Variants in IL1RL1 observed in about 807,000 individuals in gnomAD.
IL1RL1 encodes the protein interleukin 1 receptor like 1.
A neutral mutation model predicts 50.9 loss-of-function variants in IL1RL1; 32 were observed. The observed-to-expected ratio is 0.63, with a 90% confidence interval of 0.47 to 0.84. The LOEUF (loss-of-function observed/expected upper bound fraction) is 0.84, where lower values mean the gene tolerates loss of function less well. Ranked by LOEUF, IL1RL1 falls within the 40% of genes least tolerant of loss-of-function variation. IL1RL1 has a pLI of 0.00. For missense variants in IL1RL1, 773 were observed against 662.9 expected (o/e 1.17, Z -1.82); for synonymous variants, 275 against 236.0 (o/e 1.17, Z -1.51).
intron 10 of IL1RL1, among the ~76,000 whole-genome samples, chr2:102,349,633 A>T (rs1238182050): frequency 6.6e-6 from 1 of 152,244 alleles, no homozygotes; most frequent in Non-Finnish European, 1.5e-5. Context: ...CATAGGCACT[A>T]GCTGAAATAC....
chr2:102,339,588 G>A (rs917246155), intron 3 of IL1RL1: 8 of 154,904 alleles, frequency 5.2e-5, no homozygotes, highest in African/African-American at 1.9e-4. Context: ...TTAGTTAAGG[G>A]CCTAGGTCTG....
At chr2:102,339,993 T>G (rs868086736) in intron 3 of IL1RL1, 105 bp from the exon 4 acceptor site, 3 of 541,828 alleles carry the variant, frequency 5.5e-6, no homozygotes, top group African/African-American at 3.9e-5. Flanking sequence ...TTATGTATAT[T>G]GATGGTTTTT....
At chr2:102,321,703 C>T (rs757555969) in intron 1 of IL1RL1, among the ~76,000 whole-genome samples, 4 of 152,216 alleles carry the variant, frequency 2.6e-5, no homozygotes, top group East Asian at 3.9e-4. Context: ...CCAAAATCAC[C>T]AAGGAATCAT....
chr2:102,321,089 A>G (rs1295388901), intron 1 of IL1RL1, among the ~76,000 whole-genome samples: 6 of 152,148 alleles, frequency 3.9e-5, no homozygotes, highest in African/African-American at 4.8e-5. Flanking sequence ...GCTTGCCTCC[A>G]TGGCTGGACT....
chr2:102,326,029 C>T (rs1311050480), intron 1 of IL1RL1, among the ~76,000 whole-genome samples: 1 of 152,122 alleles, frequency 6.6e-6, no homozygotes, highest in African/African-American at 2.4e-5. Flanking sequence ...TTGAGAAGAG[C>T]AACTCCAAGA....
rs554415367 is a variant in IL1RL1 at position 102,325,216 on chromosome 2, T to C, written c.-149-12900T>C. ...CACCAATATCCGCTGTTCTGCAGCC[T>C]CTGCTGCTGATACCCAGGCAAACAG... On this transcript the variant is annotated intron_variant, in intron 1 of 10. Coordinates refer to ENST00000233954, the MANE Select transcript of IL1RL1 (RefSeq NM_016232.5). Among the ~76,000 whole-genome samples the C allele has an allele frequency of 2.8e-4, 42 of 152,302 alleles. No individual in the cohort carries two copies. In the South Asian group the frequency reaches 8.1e-3, roughly 29 times the overall value.
chr2:102,335,162 T>G (rs1559600774), intron 1 of IL1RL1, among the ~76,000 whole-genome samples: 1 of 152,218 alleles, frequency 6.6e-6, no homozygotes, highest in Non-Finnish European at 1.5e-5. Context: ...TATTCATGTA[T>G]TAGAAGCCCT....
chr2:102,327,459 G>A (rs1217047651), intron 1 of IL1RL1, among the ~76,000 whole-genome samples: 4 of 151,870 alleles, frequency 2.6e-5, no homozygotes, highest in Non-Finnish European at 5.9e-5. Flanking sequence ...AGAAGCAAGA[G>A]CAAACACATT....
At chr2:102,325,562 G>A (rs1410756005) in intron 1 of IL1RL1, among the ~76,000 whole-genome samples, 1 of 152,118 alleles carries the variant, frequency 6.6e-6, no homozygotes, top group Non-Finnish European at 1.5e-5. Flanking sequence ...CCGAGCTAAA[G>A]GAGGAAGTTC....
At chr2:102,322,636 C>A (rs6742005) in intron 1 of IL1RL1, among the ~76,000 whole-genome samples, 2,082 of 152,290 alleles carry the variant, frequency 0.014, 52 homozygotes, top group African/African-American at 0.048. Flanking sequence ...CTACTCTTTT[C>A]TTTTACTTTA....
chr2:102,326,184 TG>T (rs1317432859), intron 1 of IL1RL1, among the ~76,000 whole-genome samples: 1 of 151,976 alleles, frequency 6.6e-6, no homozygotes, highest in Non-Finnish European at 1.5e-5. Flanking sequence ...CAGAAGAGAG[TG>T]GGGGCCAATA....
rs1400353985 is a variant in IL1RL1 at position 102,338,130 on chromosome 2, A to G, written c.-135A>G. Reference sequence around the variant, plus strand: ...TTATTTTTCAGTTGAGATATAGGCTACTCTTCCCAACTCAGTCTTGAAGAG... The same window carrying G: ...TTATTTTTCAGTTGAGATATAGGCTGCTCTTCCCAACTCAGTCTTGAAGAG... On this transcript the variant is annotated 5_prime_UTR_variant, in exon 2 of 11. Coordinates refer to ENST00000233954, the MANE Select transcript of IL1RL1 (RefSeq NM_016232.5). 1.9e-6 allele frequency: 1 copy of G among 527,134 alleles called. No homozygotes were observed. Among genetic ancestry groups the G allele is most frequent in the African/African-American group, 2.0e-5 (1 of 50,870 alleles). 32.7% of individuals were successfully genotyped at this position (527,134 alleles called of 1,614,324 possible).
intron 1 of IL1RL1, among the ~76,000 whole-genome samples, chr2:102,324,987 A>T (rs1436896684): frequency 1.3e-5 from 2 of 152,212 alleles, no homozygotes; most frequent in Non-Finnish European, 2.9e-5. Context: ...CCTGTCTGAC[A>T]GCTTTGAAGA....
intron 1 of IL1RL1, among the ~76,000 whole-genome samples, chr2:102,317,867 G>A (rs1331165320): frequency 6.6e-6 from 1 of 152,110 alleles, no homozygotes; most frequent in Non-Finnish European, 1.5e-5. Context: ...ACCTCATTGA[G>A]AAAGTGAGGG....
At chr2:102,315,219 G>T (rs916223088) in intron 1 of IL1RL1, among the ~76,000 whole-genome samples, 1 of 152,072 alleles carries the variant, frequency 6.6e-6, no homozygotes. Context: ...TGTATGCCGT[G>T]GGGAAAAGGA....
At chr2:102,316,265 G>C (rs2104959203) in intron 1 of IL1RL1, among the ~76,000 whole-genome samples, 1 of 152,330 alleles carries the variant, frequency 6.6e-6, no homozygotes, top group Admixed American at 6.5e-5. Context: ...AGACTTGTCT[G>C]TCCCTGAGCT....
chr2:102,349,464 G>A (rs796468905), intron 10 of IL1RL1, among the ~76,000 whole-genome samples: 15 of 152,256 alleles, frequency 9.9e-5, no homozygotes, highest in African/African-American at 3.6e-4. Flanking sequence ...TGTTGGTGGT[G>A]TGAATTCAGA....
Position 102,347,954 on chromosome 2 carries a change from A to T in IL1RL1, c.980A>T (p.His327Leu). Reference sequence around the variant, plus strand: ...TCTTTCTTTTGAATAGTTGATCATCATAGCATCTACTGCATAATTGCAGTA... The same window carrying T: ...TCTTTCTTTTGAATAGTTGATCATCTTAGCATCTACTGCATAATTGCAGTA... ...RLSRKNPIDHHSIYCIIAVCS... is the reference protein window; with the variant it reads ...RLSRKNPIDHLSIYCIIAVCS... Residue 327 changes from histidine (H) to leucine (L), a missense_variant, in exon 9 of 11, where the codon CAT becomes CTT. Physicochemically the swap from His to Leu is moderately conservative, Grantham distance 99. Coordinates refer to ENST00000233954, the MANE Select transcript of IL1RL1 (RefSeq NM_016232.5). 2 of 1,507,628 alleles carry T rather than the reference A, an allele frequency of 1.3e-6. No homozygotes were observed. Among genetic ancestry groups the T allele is most frequent in the Non-Finnish European group, 1.8e-6 (2 of 1,083,816 alleles). 93.4% of individuals were successfully genotyped at this position (1,507,628 alleles called of 1,614,324 possible).
In IL1RL1 at chr2:102,343,174, A is replaced by C; in HGVS notation, c.821A>C (p.Gln274Pro). The C allele has an allele frequency of 6.2e-7, 1 of 1,614,126 alleles. No homozygotes were observed. Among genetic ancestry groups the C allele is most frequent in the African/African-American group, 1.3e-5 (1 of 75,036 alleles). The change falls in exon 7 of 11, where the codon CAA (glutamine) becomes CCA (proline). Residue 274 changes from glutamine (Q) to proline (P), a missense_variant. Coordinates refer to ENST00000233954, the MANE Select transcript of IL1RL1 (RefSeq NM_016232.5). ...PRIQQEEGQN[Q>P]SFSNGLACLD... ...ATTCAACAAGAGGAAGGGCAAAATC[A>C]AAGGTATTTTTATATTGAAGAGAAC...
Sources: allele counts gnomAD v4.1 joint callset (sites outside exome capture counted in the v4.1 genomes callset), GRCh38; gene constraint gnomAD v4.1.1; transcripts MANE v1.5; gene names NCBI Gene and HGNC (gene_info 2026-07-23, HGNC 2026-07-21).